Variants in GCNT2 observed in about 807,000 individuals in gnomAD.
The protein encoded by GCNT2 is N-acetyllactosaminide beta-1,6-N-acetylglucosaminyl-transferase.
A neutral mutation model predicts 34.2 loss-of-function variants in GCNT2; 34 were observed. The observed-to-expected ratio is 1.00, with a 90% CI of 0.76 to 1.32. GCNT2 has a LOEUF of 1.32. Among genes scored for constraint, GCNT2 ranks in the 40% most tolerant of loss-of-function variants. The pLI is 0.00. For synonymous variants in GCNT2, 212 were observed against 188.0 expected (o/e 1.13, Z -1.04); for missense variants, 584 against 489.4 (o/e 1.19, Z -1.82).
At chr6:10,611,834 A>T in intron 3 of GCNT2, among the ~76,000 whole-genome samples, 1 of 152,332 alleles carries the variant, frequency 6.6e-6, no homozygotes, top group Non-Finnish European at 1.5e-5. Flanking sequence ...AAACTTTTGT[A>T]AAAAATATAA....
chr6:10,578,535 C>T (rs908914936), intron 3 of GCNT2, among the ~76,000 whole-genome samples: 1 of 145,506 alleles, frequency 6.9e-6, no homozygotes, highest in Non-Finnish European at 1.5e-5. Flanking sequence ...CAAGCTCTGC[C>T]TCCTGGGTTC....
At chr6:10,548,127 A>C (rs567834713) in intron 3 of GCNT2, among the ~76,000 whole-genome samples, 1 of 152,236 alleles carries the variant, frequency 6.6e-6, no homozygotes, top group African/African-American at 2.4e-5. Context: ...TGGGAAGCTG[A>C]AACAGGAGGA....
chr6:10,618,877 G>T (rs1765908675), intron 3 of GCNT2, among the ~76,000 whole-genome samples: 1 of 152,070 alleles, frequency 6.6e-6, no homozygotes, highest in South Asian at 2.1e-4. Context: ...TTCAAGTTTA[G>T]GTAGCAAGAA....
At chr6:10,527,885 G>A (rs904485623) in intron 2 of GCNT2, among the ~76,000 whole-genome samples, 3 of 151,814 alleles carry the variant, frequency 2.0e-5, no homozygotes, top group African/African-American at 7.3e-5. Flanking sequence ...TAAAAAAAAA[G>A]CCTCCTTTAA....
intron 3 of GCNT2, among the ~76,000 whole-genome samples, chr6:10,596,787 G>A (rs890924288): frequency 2.7e-5 from 4 of 150,570 alleles, no homozygotes; most frequent in Non-Finnish European, 5.9e-5. Flanking sequence ...GAATTGACAC[G>A]ATGATATTTT....
chr6:10,527,160 G>A (rs540660089), intron 1 of GCNT2, among the ~76,000 whole-genome samples: 9 of 152,140 alleles, frequency 5.9e-5, no homozygotes, highest in East Asian at 1.9e-4. Context: ...GCGGTGGCTC[G>A]CGCCTGTAAT....
At chr6:10,526,443 GAAT>G (rs1761190783) in intron 1 of GCNT2, among the ~76,000 whole-genome samples, 1 of 152,142 alleles carries the variant, frequency 6.6e-6, no homozygotes, top group Non-Finnish European at 1.5e-5. Context: ...AAATCAACAG[GAAT>G]AACTCCAGGT....
chr6:10,603,795 G>A (rs1169400040), intron 3 of GCNT2, among the ~76,000 whole-genome samples: 8 of 147,648 alleles, frequency 5.4e-5, no homozygotes, highest in Admixed American at 2.7e-4. Context: ...GATTACAGGT[G>A]TGAGCCACTG....
intron 3 of GCNT2, among the ~76,000 whole-genome samples, chr6:10,595,839 T>C (rs562349373): frequency 6.6e-6 from 1 of 152,316 alleles, no homozygotes; most frequent in East Asian, 1.9e-4. Flanking sequence ...GAAAAACTTA[T>C]AAACACACAC....
chr6:10,559,719 A>G (rs181455365), intron 3 of GCNT2, among the ~76,000 whole-genome samples: 3,800 of 152,332 alleles, frequency 0.025, 151 homozygotes, highest in African/African-American at 0.085. Context: ...AACTGCCTGG[A>G]GAGGAAGGCC....
chr6:10,575,115 T>A (rs192987330), intron 3 of GCNT2: 97 of 474,668 alleles, frequency 2.0e-4, no homozygotes, highest in African/African-American at 1.5e-3. Flanking sequence ...GCCTGCAATG[T>A]CACCTTTCTT....
chr6:10,575,001 T>C, intron 3 of GCNT2: 1 of 696,462 alleles, frequency 1.4e-6, no homozygotes, highest in Non-Finnish European at 2.7e-6. Flanking sequence ...CTTGTTTGTT[T>C]ACAACAATGC....
At chr6:10,543,642 G>A (rs748448904) in intron 3 of GCNT2, among the ~76,000 whole-genome samples, 2 of 152,156 alleles carry the variant, frequency 1.3e-5, no homozygotes, top group Non-Finnish European at 1.5e-5. Context: ...AGCCCTTCTA[G>A]TGAGTGTGAA....
At chr6:10,611,491 C>T (rs536465457) in intron 3 of GCNT2, among the ~76,000 whole-genome samples, 12 of 152,118 alleles carry the variant, frequency 7.9e-5, no homozygotes, top group African/African-American at 2.4e-4. Flanking sequence ...CCACCACGCC[C>T]GGCTAATTTT....
rs1761257543 is a variant in GCNT2, at chr6:10,527,531, C to T, written c.-411C>T. The T allele has an allele frequency of 6.6e-6, 1 of 152,226 alleles. No homozygotes were observed. The highest frequency in any genetic ancestry group is 2.4e-5 in the African/African-American group (1 of 41,452). 9.4% of individuals were successfully genotyped at this position (152,226 alleles called of 1,614,324 possible). A position where few individuals can be genotyped will look rare whatever the true frequency, so the allele number is the denominator to read the frequency against. On this transcript the variant is annotated 5_prime_UTR_variant, in exon 2 of 5. Transcript: ENST00000495262. ...ATGAGCTCGGCGCCAATGGAACATG[C>T]TTTCACACCGGGTGCAGCTAACCAC... is the stretch of plus-strand genomic sequence containing the variant.
In GCNT2 at chr6:10,551,518, T is replaced by TCA. The variant is rs1425526237; in HGVS notation, c.925+21685_925+21686dup. On this transcript the variant is annotated intron_variant, in intron 3 of 4. Coordinates refer to ENST00000495262, the MANE Select transcript of GCNT2 (RefSeq NM_145649.5). ...TGGAGTGCAACGGCACGATTTCGGC[T>TCA]CACAGCAACGTTCGCCTCCCTGATT... is the stretch of plus-strand genomic sequence containing the variant. Among the ~76,000 whole-genome samples, 7 of 151,738 alleles carry TCA rather than the reference T, an allele frequency of 4.6e-5. No homozygotes were observed. The East Asian group carries it at 9.7e-4, about 21-fold the overall frequency.
intron 3 of GCNT2, among the ~76,000 whole-genome samples, chr6:10,569,235 C>CCCCACACACACACACACACACA (rs1763420768): frequency 4.2e-5 from 2 of 47,462 alleles, no homozygotes; most frequent in Admixed American, 2.7e-4. Context: ...ACTCCCCCCG[C>CCCCACACACACACACACACACA]CACACACACA....
intron 3 of GCNT2, among the ~76,000 whole-genome samples, chr6:10,591,600 C>T (rs1360122766): frequency 2.0e-5 from 3 of 152,208 alleles, no homozygotes; most frequent in Admixed American, 2.0e-4. Context: ...CGTATGCAGA[C>T]GCCTCCACTT....
At chr6:10,605,518 T>C (rs34819917) in intron 3 of GCNT2, among the ~76,000 whole-genome samples, 82,750 of 151,522 alleles carry the variant, frequency 0.55, 22,971 homozygotes, top group East Asian at 0.65. Flanking sequence ...CCATCTAGGA[T>C]ATTTTAAAAA....
Sources: allele counts gnomAD v4.1 joint callset (sites outside exome capture counted in the v4.1 genomes callset), GRCh38; gene constraint gnomAD v4.1.1; transcripts MANE v1.5; gene names NCBI Gene and HGNC (gene_info 2026-07-23, HGNC 2026-07-21).